The following NKAIN2 variants were observed in gnomAD, a reference collection of about 807,000 sequenced individuals.
NKAIN2 encodes the protein sodium/potassium transporting ATPase interacting 2, also known as sodium/potassium-transporting ATPase subunit beta-1-interacting protein 2.
Under a neutral mutation model 32.6 loss-of-function variants are expected in NKAIN2, and 14 were observed. The observed-to-expected ratio is 0.43, with a 90% CI of 0.28 to 0.67. The LOEUF is 0.67. Among genes scored for constraint, NKAIN2 ranks in the 30% least tolerant of loss-of-function variants. The probability of loss-of-function intolerance (pLI) is 0.17; values close to 1 mark genes in which losing one functional copy is unlikely to be tolerated. For missense variants in NKAIN2, 198 were observed against 258.3 expected (o/e 0.77, Z 1.60); for synonymous variants, 80 against 87.2 (o/e 0.92, Z 0.46).
intron 1 of NKAIN2, among the ~76,000 whole-genome samples, chr6:123,907,015 G>A (rs1330098250): frequency 6.6e-6 from 1 of 152,182 alleles, no homozygotes; most frequent in African/African-American, 2.4e-5. Context: ...ATTAATGCTA[G>A]TGGAGCTAGA....
chr6:124,392,980 G>A (rs1246236226), intron 3 of NKAIN2, among the ~76,000 whole-genome samples: 5 of 152,060 alleles, frequency 3.3e-5, no homozygotes, highest in Admixed American at 1.3e-4. Flanking sequence ...ACTCCAGCCT[G>A]GATGACAGAG....
chr6:124,051,312 C>A (rs1424215396), intron 1 of NKAIN2, among the ~76,000 whole-genome samples: 1 of 152,000 alleles, frequency 6.6e-6, no homozygotes, highest in East Asian at 1.9e-4. Flanking sequence ...ATGATTATTA[C>A]TGACTTCAAA....
At chr6:123,930,245 T>C (rs1342979425) in intron 1 of NKAIN2, among the ~76,000 whole-genome samples, 1 of 152,186 alleles carries the variant, frequency 6.6e-6, no homozygotes. Flanking sequence ...TATTGGGCTT[T>C]TTAAAAAATC....
chr6:124,803,861 T>G (rs570751829), intron 5 of NKAIN2, among the ~76,000 whole-genome samples: 3 of 152,350 alleles, frequency 2.0e-5, no homozygotes, highest in South Asian at 2.1e-4. Context: ...TCATTCCTTT[T>G]GTATAAATCC....
intron 1 of NKAIN2, among the ~76,000 whole-genome samples, chr6:124,194,711 A>G (rs1473055154): frequency 1.3e-5 from 2 of 152,128 alleles, no homozygotes; most frequent in East Asian, 1.9e-4. Flanking sequence ...ATTTCTGCAT[A>G]TAGTATTACT....
At chr6:124,061,965 G>A (rs918711168) in intron 1 of NKAIN2, among the ~76,000 whole-genome samples, 1 of 152,148 alleles carries the variant, frequency 6.6e-6, no homozygotes, top group African/African-American at 2.4e-5. Context: ...GAAAAAGAAT[G>A]TGTGTTTTAA....
At chr6:124,726,109 A>C (rs1776287636) in intron 4 of NKAIN2, among the ~76,000 whole-genome samples, 2 of 152,300 alleles carry the variant, frequency 1.3e-5, no homozygotes, top group East Asian at 1.9e-4. Context: ...ATCAAACTGC[A>C]AGGCGGCAGC....
intron 4 of NKAIN2, among the ~76,000 whole-genome samples, chr6:124,700,860 G>T (rs1050109508): frequency 7.0e-6 from 1 of 142,090 alleles, no homozygotes; most frequent in African/African-American, 2.7e-5. Context: ...TATAGAAATT[G>T]TCTCTTTCCT....
At chr6:124,267,813 C>A (rs1213336923) in intron 1 of NKAIN2, among the ~76,000 whole-genome samples, 1 of 152,100 alleles carries the variant, frequency 6.6e-6, no homozygotes, top group Non-Finnish European at 1.5e-5. Flanking sequence ...CTGGTTGGAG[C>A]TTTACTATAT....
intron 3 of NKAIN2, among the ~76,000 whole-genome samples, chr6:124,626,609 T>C (rs1783357258): frequency 6.6e-6 from 1 of 152,080 alleles, no homozygotes; most frequent in Non-Finnish European, 1.5e-5. Flanking sequence ...CAAGTAGTAG[T>C]CAAAAAGGGA....
At chr6:124,676,451 G>A (rs1413462130) in intron 4 of NKAIN2, among the ~76,000 whole-genome samples, 1 of 152,066 alleles carries the variant, frequency 6.6e-6, no homozygotes, top group East Asian at 1.9e-4. Flanking sequence ...TTTAATTGCT[G>A]TTTATTTCTC....
chr6:124,324,712 GT>G (rs57387940), intron 2 of NKAIN2, among the ~76,000 whole-genome samples: 13,158 of 148,548 alleles, frequency 0.089, 984 homozygotes, highest in East Asian at 0.26. Context: ...TGTTTTGGAA[GT>G]TTTTTTTTTA....
At chr6:124,243,523 AG>A (rs1002255525) in intron 1 of NKAIN2, among the ~76,000 whole-genome samples, 124 of 152,024 alleles carry the variant, frequency 8.2e-4, no homozygotes, top group African/African-American at 2.4e-3. Context: ...AAAAAAAAGA[AG>A]GAAGATGCTG....
At chr6:124,484,001 A>G (rs1264455049) in intron 3 of NKAIN2, among the ~76,000 whole-genome samples, 1 of 152,228 alleles carries the variant, frequency 6.6e-6, no homozygotes, top group East Asian at 1.9e-4. Context: ...TTTAGATCAG[A>G]AAGTCAGCAG....
chr6:123,928,228 C>G (rs1256739193), intron 1 of NKAIN2, among the ~76,000 whole-genome samples: 1 of 152,056 alleles, frequency 6.6e-6, no homozygotes, highest in Non-Finnish European at 1.5e-5. Flanking sequence ...AAGATGAGAA[C>G]AGCAGACACG....
At chr6:124,595,937 C>T (rs918617001) in intron 3 of NKAIN2, among the ~76,000 whole-genome samples, 5 of 151,942 alleles carry the variant, frequency 3.3e-5, no homozygotes, top group Admixed American at 6.6e-5. Context: ...TTGGGGAGCA[C>T]GGGTAGGGGA....
chr6:124,570,630 C>T (rs1316467470), intron 3 of NKAIN2, among the ~76,000 whole-genome samples: 4 of 152,182 alleles, frequency 2.6e-5, no homozygotes. Flanking sequence ...GTTCGAGAAC[C>T]TTCGCCTAGA....
At chr6:123,902,765 T>A (rs184275580) in intron 1 of NKAIN2, among the ~76,000 whole-genome samples, 3 of 152,186 alleles carry the variant, frequency 2.0e-5, no homozygotes, top group Non-Finnish European at 2.9e-5. Flanking sequence ...GAAACAGCTG[T>A]CAGATAAATT....
chr6:124,022,900 G>T (rs1023067073), intron 1 of NKAIN2, among the ~76,000 whole-genome samples: 2 of 151,964 alleles, frequency 1.3e-5, no homozygotes, highest in African/African-American at 4.8e-5. Context: ...AACAAACACA[G>T]TCATTTTTAT....
Sources: gnomAD v4.1 joint callset for allele counts (sites outside exome capture counted in the v4.1 genomes callset) on GRCh38, gnomAD v4.1.1 for gene constraint, MANE v1.5 for transcripts, NCBI Gene and HGNC (gene_info 2026-07-23, HGNC 2026-07-21) for gene names.